SLC12A1: variants seen among roughly 807,000 people sequenced by gnomAD.
SLC12A1 encodes the protein solute carrier family 12 member 1, also known as Na-K-2Cl cotransporter.
SLC12A1 carries 89 observed loss-of-function variants against 130.4 expected under a neutral mutation model. That is an observed-to-expected ratio of 0.68 (90% CI 0.58 to 0.81). SLC12A1 has a LOEUF of 0.81. Ranked by LOEUF, SLC12A1 falls within the 40% of genes least tolerant of loss-of-function variation. The pLI, the probability that SLC12A1 is intolerant of heterozygous loss-of-function variation, is 0.00. For missense variants in SLC12A1, 1,310 were observed against 1,336.4 expected (o/e 0.98, Z 0.31); for synonymous variants, 499 against 460.0 (o/e 1.08, Z -1.09).
intron 20 of SLC12A1, among the ~76,000 whole-genome samples, chr15:48,281,049 T>A (rs1055678127): frequency 6.6e-6 from 1 of 152,156 alleles, no homozygotes; most frequent in African/African-American, 2.4e-5. Context: ...GGTGGCAGCA[T>A]GAAGAACATG....
rs2042095168 is a variant in SLC12A1, at chr15:48,289,419, ATATATATAT to A, written c.2873+904_2873+912del. On this transcript the variant is annotated intron_variant, in intron 23 of 26. Transcript: ENST00000380993. ...CATATATATATATATATATATATAT[ATATATATAT>A]AATGTATAACTATGTATAACTGTAT... Among the ~76,000 whole-genome samples the A allele has an allele frequency of 4.5e-5, 6 of 134,222 alleles. 1 individual carries two copies. The highest frequency in any genetic ancestry group is 7.8e-5 in the Non-Finnish European group (5 of 64,450). The allele number at this position is 134,222 out of a possible 152,430, so 88.1% of individuals were successfully genotyped here.
At chr15:48,247,242 C>T in intron 12 of SLC12A1, 95 bp from the exon 13 acceptor site, 1 of 1,322,772 alleles carries the variant, frequency 7.6e-7, no homozygotes, top group South Asian at 1.4e-5. Flanking sequence ...TTGTGTATCA[C>T]TTAATCTTTC....
At chr15:48,267,057 G>A (rs951626005) in intron 17 of SLC12A1, among the ~76,000 whole-genome samples, 22 of 152,112 alleles carry the variant, frequency 1.4e-4, no homozygotes, top group South Asian at 2.1e-4. Context: ...TTTGCCACAC[G>A]AAAAAGCAAC....
rs778539276 is a variant in SLC12A1 at position 48,247,329 on chromosome 15, T to C, written c.1561-8T>C. 1 of 1,597,006 alleles carries C rather than the reference T, an allele frequency of 6.3e-7. No homozygotes were observed. The highest frequency in any genetic ancestry group is 8.5e-7 in the Non-Finnish European group (1 of 1,176,226). On this transcript the variant is annotated splice_region_variant and splice_polypyrimidine_tract_variant and intron_variant, in intron 12 of 26. Transcript: ENST00000380993. The stretch of plus-strand genomic sequence containing the variant: ...AAATGACAAATTTCTTCTCTTCTTT[T>C]CCATTAGGCTCTGTGCAAGGACAAC...
intron 17 of SLC12A1, among the ~76,000 whole-genome samples, chr15:48,260,043 G>A (rs901379002): frequency 2.0e-5 from 3 of 152,002 alleles, no homozygotes; most frequent in Non-Finnish European, 2.9e-5. Context: ...CAAGGTGGGC[G>A]GATCACCTGA....
chr15:48,280,664 G>A (rs1351427609), intron 20 of SLC12A1, among the ~76,000 whole-genome samples: 1 of 151,974 alleles, frequency 6.6e-6, no homozygotes, highest in African/African-American at 2.4e-5. Flanking sequence ...TTTCCAGGTG[G>A]TGGTCTTTTC....
At chr15:48,282,984 T>C (rs2141108261) in intron 20 of SLC12A1, among the ~76,000 whole-genome samples, 1 of 152,300 alleles carries the variant, frequency 6.6e-6, no homozygotes, top group African/African-American at 2.4e-5. Context: ...AAAATGAAGA[T>C]GATAATAGTA....
chr15:48,293,419 G>A (rs759318936), intron 24 of SLC12A1, among the ~76,000 whole-genome samples: 26 of 152,150 alleles, frequency 1.7e-4, no homozygotes, highest in Non-Finnish European at 3.2e-4. Flanking sequence ...ATTTCATGTG[G>A]AGTGGGGCCT....
chr15:48,218,311 T>C (rs899705208), intron 2 of SLC12A1, among the ~76,000 whole-genome samples: 2 of 152,132 alleles, frequency 1.3e-5, no homozygotes, highest in Admixed American at 6.5e-5. Context: ...ATGAACAAGG[T>C]CTCAAGAAAG....
chr15:48,293,147 C>T (rs1181847228), intron 24 of SLC12A1, among the ~76,000 whole-genome samples: 1 of 152,172 alleles, frequency 6.6e-6, no homozygotes, highest in African/African-American at 2.4e-5. Flanking sequence ...GAGCTTAAGC[C>T]ATCTGCCCGC....
rs1425305195 is a variant in SLC12A1, at chr15:48,257,961, G to A, written c.2043-1239G>A. Reference sequence around the variant, plus strand: ...TCTGTTTCCTCTTGAACACTTTGCTGCTTAGAAATTTCTTCTGCCAGATAC... The same window carrying A: ...TCTGTTTCCTCTTGAACACTTTGCTACTTAGAAATTTCTTCTGCCAGATAC... On this transcript the variant is annotated intron_variant, in intron 16 of 26. Coordinates refer to ENST00000380993, the MANE Select transcript of SLC12A1 (RefSeq NM_000338.3). 3.3e-5 allele frequency among the ~76,000 whole-genome samples: 5 copies of A among 152,074 alleles called. No individual in the cohort carries two copies. The South Asian group carries it at 8.3e-4, about 25-fold the overall frequency.
At chr15:48,240,570 A>G (rs2041504720) in intron 9 of SLC12A1, among the ~76,000 whole-genome samples, 1 of 151,990 alleles carries the variant, frequency 6.6e-6, no homozygotes, top group South Asian at 2.1e-4. Flanking sequence ...CAGCATATTT[A>G]TGTTTTCTTT....
chr15:48,268,293 A>G (rs1487459028), intron 18 of SLC12A1, among the ~76,000 whole-genome samples: 2 of 152,164 alleles, frequency 1.3e-5, no homozygotes, highest in Non-Finnish European at 2.9e-5. Flanking sequence ...TATAGTAAGT[A>G]CATAAAATCT....
intron 20 of SLC12A1, among the ~76,000 whole-genome samples, chr15:48,282,057 G>A (rs903607384): frequency 1.3e-5 from 2 of 152,256 alleles, no homozygotes; most frequent in Admixed American, 1.3e-4. Flanking sequence ...GTGCACAGAA[G>A]GAGGCCTTAG....
chr15:48,227,498 C>A (rs1269545554), intron 5 of SLC12A1: 9 of 337,014 alleles, frequency 2.7e-5, no homozygotes, highest in Non-Finnish European at 4.5e-5. Flanking sequence ...CAGGTCCTCT[C>A]AGCATGGGTC....
intron 19 of SLC12A1, among the ~76,000 whole-genome samples, chr15:48,270,994 C>A (rs935781610): frequency 6.6e-6 from 1 of 150,518 alleles, no homozygotes; most frequent in Non-Finnish European, 1.5e-5. Flanking sequence ...GAGGCCGAGG[C>A]GGGTGGATTA....
At chr15:48,262,815 T>A (rs913501343) in intron 17 of SLC12A1, among the ~76,000 whole-genome samples, 13 of 152,258 alleles carry the variant, frequency 8.5e-5, no homozygotes, top group African/African-American at 3.1e-4. Flanking sequence ...CCTTGTAGCA[T>A]CCCCCTCATA....
rs1567305823 is a variant in SLC12A1 at position 48,220,734 on chromosome 15, T to C, written c.521T>C (p.Val174Ala). The change falls in exon 3 of 27, where the codon GTT (valine) becomes GCT (alanine). Residue 174 changes from valine to alanine, a missense_variant. Transcript: ENST00000380993. ...AENKEDDQAGVVKFGWVKGVL... is the reference protein window; with the variant it reads ...AENKEDDQAGAVKFGWVKGVL... ...AATAAGGAAGATGATCAAGCTGGTGTTGTGAAGTTTGGATGGGTGAAAGGT... is the reference window on the plus strand; with the variant it reads ...AATAAGGAAGATGATCAAGCTGGTGCTGTGAAGTTTGGATGGGTGAAAGGT... The C allele has an allele frequency of 6.2e-7, 1 of 1,613,912 alleles. No individual in the cohort carries two copies. Among genetic ancestry groups the C allele is most frequent in the Non-Finnish European group, 8.5e-7 (1 of 1,179,876 alleles).
intron 2 of SLC12A1, among the ~76,000 whole-genome samples, chr15:48,220,260 G>A (rs990133374): frequency 4.6e-5 from 7 of 151,886 alleles, no homozygotes; most frequent in African/African-American, 1.2e-4. Flanking sequence ...CTTTTTGGTC[G>A]TAACATGACT....
Sources: gnomAD v4.1 joint callset for allele counts (sites outside exome capture counted in the v4.1 genomes callset) on GRCh38, gnomAD v4.1.1 for gene constraint, MANE v1.5 for transcripts, NCBI Gene and HGNC (gene_info 2026-07-23, HGNC 2026-07-21) for gene names.